SIN3A: variants seen among roughly 807,000 people sequenced by gnomAD.
SIN3A encodes paired amphipathic helix protein Sin3a.
SIN3A carries 14 observed loss-of-function variants against 146.1 expected under a neutral mutation model. The observed-to-expected ratio is 0.10, with a 90% confidence interval of 0.06 to 0.15. The LOEUF (loss-of-function observed/expected upper bound fraction) is 0.15. Ranked by LOEUF, SIN3A falls within the 10% of genes least tolerant of loss-of-function variation. The probability of loss-of-function intolerance (pLI) is 1.00; values close to 1 mark genes in which losing one functional copy is unlikely to be tolerated. For missense variants in SIN3A, 1,028 were observed against 1,576.0 expected (o/e 0.65, Z 5.89); for synonymous variants, 572 against 572.0 (o/e 1.00, Z 0.00).
chr15:75,392,612 T>C lies in SIN3A; in HGVS notation c.2481A>G (p.Gln827=). Residue 827 remains glutamine (Q), a synonymous_variant, in exon 15 of 21, where the codon CAA becomes CAG. Coordinates refer to ENST00000394947, the MANE Select transcript of SIN3A (RefSeq NM_001145358.2). ...CCTCCACATCTGAGAGATCACCTCT[T>C]TGGGCAAAGAGCAAATCTGGAATAA... ...HHFIPDLLFA[Q]RGDLSDVEEE... 6.2e-7 allele frequency: 1 copy of C among 1,614,162 alleles called. No individual in the cohort carries two copies. The highest frequency in any genetic ancestry group is 8.5e-7 in the Non-Finnish European group (1 of 1,180,030).
chr15:75,397,212 C>T (rs867815270), intron 12 of SIN3A, among the ~76,000 whole-genome samples: 4 of 152,168 alleles, frequency 2.6e-5, no homozygotes, highest in Admixed American at 6.5e-5. Context: ...GCAGTCTCAA[C>T]GGTCTACAAC....
rs1298264470 is a variant in SIN3A at position 75,383,559 on chromosome 15, C to T, written c.3195+705G>A. ...TTTTTTTTTTTTTGAGACGGAGTCT[C>T]GCTCTGTCTCCCAGGCTGGAGTGCA... On this transcript the variant is annotated intron_variant, in intron 17 of 20. Transcript: ENST00000394947. Among the ~76,000 whole-genome samples the T allele has an allele frequency of 2.0e-5, 3 of 149,036 alleles. No homozygotes were observed. In the East Asian group the frequency reaches 6.0e-4, roughly 30 times the overall value.
At chr15:75,404,120 C>A (rs775527712) in intron 9 of SIN3A, among the ~76,000 whole-genome samples, 3 of 152,180 alleles carry the variant, frequency 2.0e-5, no homozygotes, top group Non-Finnish European at 4.4e-5. Flanking sequence ...CCACAGACTG[C>A]CACCAAACCA....
chr15:75,454,677 A>C (rs1198405895), upstream of SIN3A, among the ~76,000 whole-genome samples: 4 of 149,524 alleles, frequency 2.7e-5, no homozygotes, highest in South Asian at 2.1e-4. Flanking sequence ...GGGCGCGCAC[A>C]CGCCCGCGCC....
intron 14 of SIN3A, among the ~76,000 whole-genome samples, chr15:75,393,152 C>G (rs2073240269): frequency 6.6e-6 from 1 of 152,184 alleles, no homozygotes; most frequent in Non-Finnish European, 1.5e-5. Flanking sequence ...TCACTTGAAC[C>G]CGTGAGGCAA....
chr15:75,430,220 C>CGTAGCTGACTGCATG lies in SIN3A; in HGVS notation c.141_155dup (p.Met48_Thr52dup). 6.2e-7 allele frequency: 1 copy of CGTAGCTGACTGCATG among 1,614,136 alleles called. No homozygotes were observed. Among genetic ancestry groups the CGTAGCTGACTGCATG allele is most frequent in the Non-Finnish European group, 8.5e-7 (1 of 1,180,014 alleles). On this transcript the variant is annotated inframe_insertion, in exon 2 of 21. Transcript: ENST00000394947. ...TGGGTGTTACAGAGTACTGAATTCC[C>CGTAGCTGACTGCATG]GTAGCTGACTGCATGGTCTCAGACA...
At chr15:75,402,982 G>A (rs1304738694) in intron 9 of SIN3A, among the ~76,000 whole-genome samples, 1 of 152,104 alleles carries the variant, frequency 6.6e-6, no homozygotes, top group Non-Finnish European at 1.5e-5. Flanking sequence ...AATATGTATG[G>A]ATGAAATAAG....
intron 1 of SIN3A, among the ~76,000 whole-genome samples, chr15:75,435,745 A>G (rs1269535649): frequency 1.3e-5 from 2 of 152,020 alleles, no homozygotes; most frequent in Non-Finnish European, 2.9e-5. Flanking sequence ...TATAGAATAC[A>G]TACAGCATGA....
chr15:75,407,926 C>T (rs1459127345), intron 8 of SIN3A, among the ~76,000 whole-genome samples: 2 of 140,756 alleles, frequency 1.4e-5, no homozygotes, highest in South Asian at 2.3e-4. Flanking sequence ...AAAAAAGGCA[C>T]GCCAGCAATA....
chr15:75,436,094 A>C (rs1193949542), intron 1 of SIN3A, among the ~76,000 whole-genome samples: 1 of 151,852 alleles, frequency 6.6e-6, no homozygotes, highest in African/African-American at 2.4e-5. Context: ...TGATAACGTC[A>C]CTGCACTCCG....
At chr15:75,406,641 T>C (rs1291409397) in intron 9 of SIN3A, among the ~76,000 whole-genome samples, 2 of 152,116 alleles carry the variant, frequency 1.3e-5, no homozygotes, top group African/African-American at 2.4e-5. Flanking sequence ...TGAGCCGAGA[T>C]TGCGCCACTG....
intron 12 of SIN3A, 89 bp from the exon 13 acceptor site, chr15:75,396,585 C>G: frequency 1.1e-6 from 1 of 946,470 alleles, no homozygotes; most frequent in South Asian, 1.6e-5. Context: ...GGGAGTCAAA[C>G]TCCTTGGATT....
rs1395755178 is a variant in SIN3A at position 75,392,473 on chromosome 15, G to C, written c.2620C>G (p.Gln874Glu). 3.1e-6 allele frequency: 5 copies of C among 1,614,016 alleles called. No homozygotes were observed. Among genetic ancestry groups the C allele is most frequent in the Non-Finnish European group, 4.2e-6 (5 of 1,180,030 alleles). Residue 874 changes from glutamine (Q) to glutamate (E), a missense_variant, in exon 15 of 21, where the codon CAA becomes GAA. By Grantham distance (29) the Gln-to-Glu change is conservative (BLOSUM62 2). Coordinates refer to ENST00000394947, the MANE Select transcript of SIN3A (RefSeq NM_001145358.2). Reference sequence around the variant, plus strand: ...ACTTCATCCATTCCTCTTAATTTTTGAGCTGCTGTGTTACTAAACAGTAAC... The same window carrying C: ...ACTTCATCCATTCCTCTTAATTTTTCAGCTGCTGTGTTACTAAACAGTAAC... ...SKLLFSNTAA[Q>E]KLRGMDEVYN...
In SIN3A at chr15:75,389,513, T is replaced by TA. The variant is rs1268432705; in HGVS notation, c.3021+138dup. On this transcript the variant is annotated intron_variant, in intron 16 of 20. Coordinates refer to ENST00000394947, the MANE Select transcript of SIN3A (RefSeq NM_001145358.2). ...TAACATGAGAAATCAGGCATCACAT[T>TA]AACCTCCCCTCCTCTCTTCAGAACC... 5.1e-6 allele frequency: 4 copies of TA among 778,846 alleles called. No homozygotes were observed. In the African/African-American group the frequency reaches 5.2e-5, roughly 10 times the overall value. 48.2% of individuals were successfully genotyped at this position (778,846 alleles called of 1,614,324 possible).
At chr15:75,447,483 C>T (rs4451914) in intron 1 of SIN3A, among the ~76,000 whole-genome samples, 54,046 of 151,876 alleles carry the variant, frequency 0.36, 10,908 homozygotes, top group African/African-American at 0.54. Context: ...CCGTTAGAGT[C>T]ATCAGCATTG....
chr15:75,389,643 T>G lies in SIN3A; in HGVS notation c.3021+9A>C. On this transcript the variant is annotated intron_variant, in intron 16 of 20. Transcript: ENST00000394947. ...CCCTTACTCACCCTAGCCTCCTCCA[T>G]GCCCTCACCTGTCTGACAATGCTCT... is the stretch of plus-strand genomic sequence containing the variant. The G allele has an allele frequency of 6.2e-7, 1 of 1,613,974 alleles. No homozygotes were observed. The highest frequency in any genetic ancestry group is 8.5e-7 in the Non-Finnish European group (1 of 1,179,912).
intron 17 of SIN3A, 42 bp downstream of exon 17, chr15:75,384,222 A>T: frequency 6.6e-7 from 1 of 1,519,018 alleles, no homozygotes; most frequent in Non-Finnish European, 9.0e-7. Flanking sequence ...AACAACTGAC[A>T]TTGTCACCAG....
At chr15:75,373,551 G>A (rs950674627) in intron 20 of SIN3A, among the ~76,000 whole-genome samples, 3 of 152,086 alleles carry the variant, frequency 2.0e-5, no homozygotes, top group Non-Finnish European at 2.9e-5. Flanking sequence ...TTAATGAAGA[G>A]TAAATGTATC....
At chr15:75,373,628 G>C (rs1410039992) in intron 20 of SIN3A, among the ~76,000 whole-genome samples, 1 of 151,512 alleles carries the variant, frequency 6.6e-6, no homozygotes, top group Non-Finnish European at 1.5e-5. Flanking sequence ...ATACAGTATA[G>C]GCTGGGCACA....
Sources: allele counts gnomAD v4.1 joint callset (sites outside exome capture counted in the v4.1 genomes callset), GRCh38; gene constraint gnomAD v4.1.1; transcripts MANE v1.5; gene names NCBI Gene and HGNC (gene_info 2026-07-23, HGNC 2026-07-21).